The following EPHA3 variants were observed in gnomAD, a reference collection of about 807,000 sequenced individuals.
EPHA3 encodes EPH receptor A3.
In EPHA3, 42 loss-of-function variants were observed where a neutral mutation model predicts 107.1. The ratio of observed to expected loss-of-function variants is 0.39; its 90% confidence interval spans 0.31 to 0.51. EPHA3 has a LOEUF of 0.51. Among genes scored for constraint, EPHA3 ranks in the 20% least tolerant of loss-of-function variants. EPHA3 has a pLI of 0.78. For synonymous variants in EPHA3, 461 were observed against 424.8 expected (o/e 1.09, Z -1.05); for missense variants, 1,183 against 1,211.2 (o/e 0.98, Z 0.35).
intron 3 of EPHA3, among the ~76,000 whole-genome samples, chr3:89,316,976 A>G (rs2107372063): frequency 6.6e-6 from 1 of 151,874 alleles, no homozygotes; most frequent in African/African-American, 2.4e-5. Flanking sequence ...TTCTAAGATC[A>G]CTTAGAAAGT....
intron 1 of EPHA3, among the ~76,000 whole-genome samples, chr3:89,111,364 C>T (rs1315897030): frequency 1.3e-5 from 2 of 151,906 alleles, no homozygotes; most frequent in East Asian, 3.9e-4. Context: ...GAGAACTAAG[C>T]TATCATATCA....
At chr3:89,294,755 A>C (rs1358949299) in intron 3 of EPHA3, among the ~76,000 whole-genome samples, 1 of 152,180 alleles carries the variant, frequency 6.6e-6, no homozygotes, top group Non-Finnish European at 1.5e-5. Flanking sequence ...TTCTATGTCC[A>C]TGCCTACTAA....
At chr3:89,304,800 A>G (rs1261714153) in intron 3 of EPHA3, among the ~76,000 whole-genome samples, 1 of 152,056 alleles carries the variant, frequency 6.6e-6, no homozygotes, top group African/African-American at 2.4e-5. Flanking sequence ...TGCTCACTGC[A>G]TACTACAACA....
intron 3 of EPHA3, among the ~76,000 whole-genome samples, chr3:89,219,573 T>C (rs1704301040): frequency 6.6e-6 from 1 of 151,542 alleles, no homozygotes; most frequent in South Asian, 2.1e-4. Context: ...TGAGTGGAAA[T>C]ATTAAGAAAC....
chr3:89,251,560 A>G (rs1397224814), intron 3 of EPHA3, among the ~76,000 whole-genome samples: 1 of 152,106 alleles, frequency 6.6e-6, no homozygotes, highest in African/African-American at 2.4e-5. Flanking sequence ...GATAGAAACC[A>G]CAGTCAGTAA....
At chr3:89,361,695 C>T (rs761715230) in intron 5 of EPHA3, among the ~76,000 whole-genome samples, 34 of 150,962 alleles carry the variant, frequency 2.3e-4, no homozygotes, top group Admixed American at 8.6e-4. Context: ...ATTTTCTGAG[C>T]GCTCACCTCA....
At chr3:89,213,507 A>G (rs2107190012) in intron 3 of EPHA3, among the ~76,000 whole-genome samples, 1 of 152,172 alleles carries the variant, frequency 6.6e-6, no homozygotes, top group South Asian at 2.1e-4. Context: ...ATATTTGATT[A>G]TTAGGTCACA....
At chr3:89,457,299 G>A (rs193155847) in intron 15 of EPHA3, among the ~76,000 whole-genome samples, 3 of 152,282 alleles carry the variant, frequency 2.0e-5, no homozygotes, top group African/African-American at 4.8e-5. Flanking sequence ...CTCAGCCCCC[G>A]TGCCATGGAC....
chr3:89,461,116 G>A (rs1710230342), intron 15 of EPHA3, among the ~76,000 whole-genome samples: 1 of 84,694 alleles, frequency 1.2e-5, no homozygotes, highest in African/African-American at 6.0e-5. Context: ...TGAGAATGAT[G>A]GTTTCCAATT....
intron 3 of EPHA3, among the ~76,000 whole-genome samples, chr3:89,330,158 G>C (rs2107396412): frequency 6.6e-6 from 1 of 151,498 alleles, no homozygotes; most frequent in South Asian, 2.1e-4. Context: ...ATCTATTTAG[G>C]GAATAAATTT....
At chr3:89,457,041 G>A (rs1311505298) in intron 15 of EPHA3, among the ~76,000 whole-genome samples, 1 of 152,144 alleles carries the variant, frequency 6.6e-6, no homozygotes, top group Non-Finnish European at 1.5e-5. Flanking sequence ...GGAATCCCGA[G>A]GGGAGGTGAG....
At chr3:89,202,382 G>A (rs2107162905) in intron 2 of EPHA3, among the ~76,000 whole-genome samples, 1 of 150,826 alleles carries the variant, frequency 6.6e-6, no homozygotes, top group African/African-American at 2.4e-5. Context: ...TGGGCATGGC[G>A]GTGCATGCCT....
At chr3:89,370,428 G>A (rs1395281169) in intron 5 of EPHA3, among the ~76,000 whole-genome samples, 13 of 150,922 alleles carry the variant, frequency 8.6e-5, no homozygotes, top group South Asian at 4.2e-4. Flanking sequence ...AACACCGCAT[G>A]TTCTCACTCA....
At chr3:89,472,665 C>T in intron 16 of EPHA3, 46 bp downstream of exon 16, 1 of 1,349,918 alleles carries the variant, frequency 7.4e-7, no homozygotes, top group South Asian at 1.2e-5. Context: ...TTCTTTTGAA[C>T]TTTCTTGGCT....
At chr3:89,424,743 C>T (rs1276591481) in intron 11 of EPHA3, among the ~76,000 whole-genome samples, 3 of 151,468 alleles carry the variant, frequency 2.0e-5, no homozygotes, top group African/African-American at 7.3e-5. Flanking sequence ...TATATACATT[C>T]ATTCCACTTA....
chr3:89,147,178 C>A (rs1437480305), intron 2 of EPHA3, among the ~76,000 whole-genome samples: 1 of 151,546 alleles, frequency 6.6e-6, no homozygotes, highest in Non-Finnish European at 1.5e-5. Flanking sequence ...CATACCAGGG[C>A]CTGTCGGGGG....
rs1240886634 is a variant in EPHA3 at position 89,399,739 on chromosome 3, A to T, written c.1594+259A>T. Reference sequence around the variant, plus strand: ...TGAAATGCTTCTGTTTTTTTTTTTTAGCCATAAATTGCTTTTGAGGAACAT... The same window carrying T: ...TGAAATGCTTCTGTTTTTTTTTTTTTGCCATAAATTGCTTTTGAGGAACAT... On this transcript the variant is annotated intron_variant, in intron 7 of 16. Transcript: ENST00000336596. 6.0e-5 allele frequency: 68 copies of T among 1,141,252 alleles called. No homozygotes were observed. The Admixed American group carries it at 8.8e-4, about 15-fold the overall frequency. The allele number at this position is 1,141,252 out of a possible 1,614,324, so 70.7% of individuals were successfully genotyped here. A position where few individuals can be genotyped will look rare whatever the true frequency, so the allele number is the denominator to read the frequency against.
chr3:89,476,530 A>G (rs1438840714), intron 16 of EPHA3, among the ~76,000 whole-genome samples: 2 of 145,342 alleles, frequency 1.4e-5, no homozygotes, highest in Non-Finnish European at 3.0e-5. Flanking sequence ...ATATATATAT[A>G]TTTACTCATA....
At chr3:89,381,219 G>A (rs1258400651) in intron 5 of EPHA3, among the ~76,000 whole-genome samples, 4 of 151,916 alleles carry the variant, frequency 2.6e-5, no homozygotes, top group Non-Finnish European at 5.9e-5. Flanking sequence ...TGATCCGCCT[G>A]CCTCGGCCTC....
Sources: allele counts gnomAD v4.1 joint callset (sites outside exome capture counted in the v4.1 genomes callset), GRCh38; gene constraint gnomAD v4.1.1; transcripts MANE v1.5; gene names NCBI Gene and HGNC (gene_info 2026-07-23, HGNC 2026-07-21).